Variants in ESRP1 observed in about 807,000 individuals in gnomAD.
ESRP1 encodes epithelial splicing regulatory protein 1, also known as RNA-binding motif protein 35A.
ESRP1 carries 33 observed loss-of-function variants against 81.7 expected under a neutral mutation model. That is an observed-to-expected ratio of 0.40 (90% CI 0.31 to 0.54). ESRP1 has a LOEUF of 0.54. Ranked by LOEUF, ESRP1 falls within the 20% of genes least tolerant of loss-of-function variation. The pLI is 0.41. For missense variants in ESRP1, 672 were observed against 833.1 expected, an observed-to-expected ratio of 0.81 and a Z score of 2.38; for synonymous variants, 320 against 303.3, an observed-to-expected ratio of 1.06 and a Z score of -0.57.
chr8:94,674,612 G>A, intron 12 of ESRP1, 106 bp downstream of exon 12: 1 of 1,034,954 alleles, frequency 9.7e-7, no homozygotes, highest in East Asian at 2.6e-5. Context: ...GGCAGGTGAG[G>A]TGGTTATATA....
intron 4 of ESRP1, among the ~76,000 whole-genome samples, chr8:94,647,833 A>G (rs1054315125): frequency 1.3e-5 from 2 of 152,236 alleles, no homozygotes; most frequent in African/African-American, 2.4e-5. Context: ...CTAATAAGCT[A>G]TCTTAATTTA....
chr8:94,642,906 C>T (rs990525552), intron 2 of ESRP1, among the ~76,000 whole-genome samples: 2 of 152,176 alleles, frequency 1.3e-5, no homozygotes, highest in Non-Finnish European at 2.9e-5. Context: ...ATACCCAATA[C>T]CCGTATTTGT....
At chr8:94,689,189 TGTA>T (rs941921061) in intron 13 of ESRP1, among the ~76,000 whole-genome samples, 6 of 146,916 alleles carry the variant, frequency 4.1e-5, no homozygotes, top group African/African-American at 1.5e-4. Context: ...AGGCAGATGT[TGTA>T]GTGAGCTGAG....
intron 2 of ESRP1, 139 bp from the exon 3 acceptor site, chr8:94,643,164 G>A: frequency 1.7e-6 from 1 of 577,726 alleles, no homozygotes; most frequent in Non-Finnish European, 3.2e-6. Context: ...AAAGGAGTCT[G>A]TCCAAGGTTG....
chr8:94,659,607 C>T, intron 4 of ESRP1, among the ~76,000 whole-genome samples: 1 of 152,176 alleles, frequency 6.6e-6, no homozygotes, highest in East Asian at 1.9e-4. Flanking sequence ...TAAGCTTAGT[C>T]AGGAAGGCAT....
rs767129429 is a variant in ESRP1 at position 94,678,384 on chromosome 8, CAG to C, written c.1820+16_1820+17del. The C allele has an allele frequency of 2.5e-6, 4 of 1,606,420 alleles. No homozygotes were observed. The highest frequency in any genetic ancestry group is 4.5e-5 in the East Asian group (2 of 44,686). ...CGTACTATCCCAGGTAAGGCTCTGACAGAGGTGGAAATGAGGGGCAGAAACAA... is the reference window on the plus strand; with the variant it reads ...CGTACTATCCCAGGTAAGGCTCTGACAGGTGGAAATGAGGGGCAGAAACAA... On this transcript the variant is annotated intron_variant, in intron 13 of 15. Transcript: ENST00000433389.
chr8:94,705,858 C>G, intron 15 of ESRP1, 67 bp from the exon 16 acceptor site: 1 of 1,338,248 alleles, frequency 7.5e-7, no homozygotes, highest in East Asian at 2.5e-5. Flanking sequence ...ATTTTTGTGG[C>G]TGCTGAGAAT....
intron 4 of ESRP1, among the ~76,000 whole-genome samples, chr8:94,650,631 TTGC>T (rs1818074701): frequency 6.6e-6 from 1 of 152,240 alleles, no homozygotes; most frequent in Non-Finnish European, 1.5e-5. Context: ...GACATCTTGG[TTGC>T]TCTCAAGTTC....
chr8:94,657,820 C>T (rs1818512819), intron 4 of ESRP1, among the ~76,000 whole-genome samples: 1 of 152,210 alleles, frequency 6.6e-6, no homozygotes, highest in African/African-American at 2.4e-5. Context: ...TTCTCTCACA[C>T]TATTGCTCAA....
intron 12 of ESRP1, among the ~76,000 whole-genome samples, chr8:94,674,851 A>G (rs1181600380): frequency 2.6e-5 from 4 of 152,258 alleles, no homozygotes; most frequent in African/African-American, 4.8e-5. Context: ...AAATAAAAGT[A>G]TGGCTGGATT....
At chr8:94,699,507 G>C (rs1189817532) in intron 15 of ESRP1, among the ~76,000 whole-genome samples, 1 of 152,022 alleles carries the variant, frequency 6.6e-6, no homozygotes, top group African/African-American at 2.4e-5. Flanking sequence ...TTACCTAGGT[G>C]TGGTGGCATT....
intron 13 of ESRP1, among the ~76,000 whole-genome samples, chr8:94,686,989 T>A (rs1809166720): frequency 6.6e-6 from 1 of 152,366 alleles, no homozygotes; most frequent in South Asian, 2.1e-4. Context: ...TTTTAGGTGT[T>A]CGGTCATTTT....
intron 3 of ESRP1, among the ~76,000 whole-genome samples, chr8:94,645,686 AC>A (rs3840684): frequency 0.58 from 88,834 of 152,026 alleles, 29,096 homozygotes; most frequent in South Asian, 0.81. Context: ...TCAGGAATTT[AC>A]TATTCTAATC....
At position 94,677,999 on chromosome 8, in the gene ESRP1, C is replaced by A. The variant is rs77378882; in HGVS notation, c.1652-204C>A. On this transcript the variant is annotated intron_variant, in intron 12 of 15. Transcript: ENST00000433389. The stretch of plus-strand genomic sequence containing the variant: ...GTGTTTCCGAATTTCAGGCAAAGAA[C>A]TGTTTTTTAGGTTGACAGGGTGGAA... Among the ~76,000 whole-genome samples the A allele has an allele frequency of 2.7e-3, 417 of 152,240 alleles. 9 individuals carry two copies. The highest frequency in any genetic ancestry group is 0.022 in the Admixed American group (343 of 15,288).
At position 94,668,786 on chromosome 8, in the gene ESRP1, AGC is replaced by A. The variant is rs1380128395; in HGVS notation, c.1233+537_1233+538del. ...GCTCTGTCCTGTTTTACTAGCTTTC[AGC>A]ATGTGTGTGTGTGTGTGTGTTTGAG... On this transcript the variant is annotated intron_variant, in intron 10 of 15. Transcript: ENST00000433389. Among the ~76,000 whole-genome samples, 11 of 47,064 alleles carry A rather than the reference AGC, an allele frequency of 2.3e-4. 1 individual carries two copies. The highest frequency in any genetic ancestry group is 1.8e-3 in the Admixed American group (8 of 4,440). The allele number at this position is 47,064 out of a possible 152,430, so 30.9% of individuals were successfully genotyped here. A position where few individuals can be genotyped will look rare whatever the true frequency, so the allele number is the denominator to read the frequency against.
intron 14 of ESRP1, 39 bp downstream of exon 14, chr8:94,692,866 T>C (rs1454493844): frequency 1.3e-6 from 2 of 1,589,846 alleles, no homozygotes; most frequent in Non-Finnish European, 1.7e-6. Flanking sequence ...AGTGCCCTTA[T>C]TACTTAAGTT....
chr8:94,681,283 G>A (rs182411719), intron 13 of ESRP1, among the ~76,000 whole-genome samples: 184 of 122,818 alleles, frequency 1.5e-3, no homozygotes, highest in African/African-American at 5.4e-3. Context: ...CCAAGATCAT[G>A]TCACTGCACT....
Position 94,655,065 on chromosome 8 carries a change from T to TG in ESRP1, c.491-7207_491-7206insG, listed in dbSNP as rs1554575902. 2.8e-3 allele frequency among the ~76,000 whole-genome samples: 408 copies of TG among 147,624 alleles called. 2 individuals carry two copies. The highest frequency in any genetic ancestry group is 7.4e-3 in the African/African-American group (300 of 40,576). ...GTGTCTGTGAGGTTTTTTGGGTTTTTTGTGTGTGTGTGTGTGTGTGTGTTT... is the reference window on the plus strand; with the variant it reads ...GTGTCTGTGAGGTTTTTTGGGTTTTTGTGTGTGTGTGTGTGTGTGTGTGTTT... On this transcript the variant is annotated intron_variant, in intron 4 of 15. Coordinates refer to ENST00000433389, the MANE Select transcript of ESRP1 (RefSeq NM_017697.4).
At position 94,641,280 on chromosome 8, in the gene ESRP1, G is replaced by A. The variant is rs895965336; in HGVS notation, c.-39G>A. 6 of 1,585,292 alleles carry A rather than the reference G, an allele frequency of 3.8e-6. No individual in the cohort carries two copies. Among genetic ancestry groups the A allele is most frequent in the Non-Finnish European group, 5.2e-6 (6 of 1,160,536 alleles). On this transcript the variant is annotated 5_prime_UTR_variant, in exon 1 of 16. Transcript: ENST00000433389. ...GTTCTCACTTCCACACCACCTTACC[G>A]CCTCCCGACCCCCCCTCTCCCCCTC...
Sources: allele counts gnomAD v4.1 joint callset (sites outside exome capture counted in the v4.1 genomes callset), GRCh38; gene constraint gnomAD v4.1.1; transcripts MANE v1.5; gene names NCBI Gene and HGNC (gene_info 2026-07-23, HGNC 2026-07-21).